UPK1A: variants seen among roughly 807,000 people sequenced by gnomAD.
UPK1A encodes the protein uroplakin 1A, also known as uroplakin-1a.
UPK1A carries 31 observed loss-of-function variants against 32.3 expected under a neutral mutation model. That is an observed-to-expected ratio of 0.96 (90% CI 0.72 to 1.30). UPK1A has a LOEUF of 1.30. Among genes scored for constraint, UPK1A ranks in the 50% most tolerant of loss-of-function variants. UPK1A has a pLI of 0.00. For synonymous variants in UPK1A, 135 were observed against 137.1 expected (o/e 0.98, Z 0.11); for missense variants, 340 against 357.4 (o/e 0.95, Z 0.39).
chr19:35,678,122 C>A (rs141437789), exon 8 of UPK1A: 28 of 1,368,514 alleles, frequency 2.0e-5, no homozygotes, highest in Middle Eastern at 3.8e-4. Flanking sequence ...CACCTCCCAA[C>A]GTCCCTAGCC....
chr19:35,674,813 G>A (rs1388950600), intron 5 of UPK1A, among the ~76,000 whole-genome samples: 2 of 151,976 alleles, frequency 1.3e-5, no homozygotes, highest in South Asian at 2.1e-4. Flanking sequence ...AGGCAAAGGC[G>A]GGCAGATCAC....
intron 3 of UPK1A, among the ~76,000 whole-genome samples, chr19:35,672,081 A>C (rs1200293249): frequency 6.6e-6 from 1 of 152,104 alleles, no homozygotes; most frequent in Non-Finnish European, 1.5e-5. Flanking sequence ...TGCTTTATAG[A>C]TGAAGGTGCC....
At chr19:35,678,157 C>A in exon 8 of UPK1A, 2 of 1,153,196 alleles carry the variant, frequency 1.7e-6, no homozygotes, top group Non-Finnish European at 2.4e-6. Context: ...CTTCCAAGAT[C>A]TTTTTCCAGG....
In UPK1A at chr19:35,673,217, CCT is replaced by C. The variant is rs1208307471; in HGVS notation, c.286-12_286-11del. On this transcript the variant is annotated splice_polypyrimidine_tract_variant and intron_variant, in intron 3 of 7. Transcript: ENST00000617999. ...GGGCTCTGCCCGACGGGCCGTCCTC[CCT>C]CTGTCTCCCCAGTACCTGGTGCTCA... 2 of 1,613,858 alleles carry C rather than the reference CCT, an allele frequency of 1.2e-6. No homozygotes were observed. The highest frequency in any genetic ancestry group is 1.7e-5 in the Admixed American group (1 of 60,008).
exon 8 of UPK1A, chr19:35,678,095 A>G: frequency 6.8e-7 from 1 of 1,478,902 alleles, no homozygotes; most frequent in Non-Finnish European, 9.0e-7. Flanking sequence ...CTGGGCCTGG[A>G]TGGCTGCCTC....
intron 2 of UPK1A, 66 bp from the exon 3 acceptor site, chr19:35,668,388 G>A (rs747448460): frequency 1.7e-5 from 27 of 1,597,962 alleles, no homozygotes; most frequent in South Asian, 4.4e-5. Flanking sequence ...GAACTTGCTC[G>A]TGGAGATGCC....
At chr19:35,675,901 C>T (rs768637606) in exon 6 of UPK1A, 21 of 1,613,798 alleles carry the variant, frequency 1.3e-5, no homozygotes, top group African/African-American at 2.7e-5. Context: ...GCCTTCCGGG[C>T]GGCCACTCCG....
chr19:35,672,569 T>A (rs1177374105), intron 3 of UPK1A, among the ~76,000 whole-genome samples: 1 of 151,724 alleles, frequency 6.6e-6, no homozygotes, highest in African/African-American at 2.4e-5. Flanking sequence ...CACCCACCCT[T>A]GTTTGTTTTG....
At chr19:35,676,490 C>T (rs1188923556) in intron 6 of UPK1A, among the ~76,000 whole-genome samples, 1 of 151,758 alleles carries the variant, frequency 6.6e-6, no homozygotes, top group Non-Finnish European at 1.5e-5. Flanking sequence ...ACGCTGGGTC[C>T]CCTCTCTGAT....
chr19:35,670,698 C>G (rs1488155133), intron 3 of UPK1A, among the ~76,000 whole-genome samples: 1 of 125,760 alleles, frequency 8.0e-6, no homozygotes, highest in Non-Finnish European at 1.7e-5. Flanking sequence ...CCCTCCCTCC[C>G]TCCCTTCCTT....
chr19:35,676,688 C>A (rs1201114353), intron 6 of UPK1A, among the ~76,000 whole-genome samples: 1 of 151,488 alleles, frequency 6.6e-6, no homozygotes, highest in African/African-American at 2.4e-5. Flanking sequence ...CACTTGAGGT[C>A]AAGAGTTCGA....
exon 2 of UPK1A, chr19:35,666,857 T>A: frequency 6.2e-7 from 1 of 1,613,858 alleles, no homozygotes; most frequent in Non-Finnish European, 8.5e-7. Flanking sequence ...GATCTCCAGT[T>A]GTGGTGGGCC....
At chr19:35,676,187 C>A in intron 6 of UPK1A, 168 bp downstream of exon 6, 2 of 849,576 alleles carry the variant, frequency 2.4e-6, no homozygotes, top group Non-Finnish European at 3.6e-6. Context: ...TTCTTTCTTT[C>A]TTTCTTTCTT....
intron 2 of UPK1A, 82 bp downstream of exon 2, chr19:35,666,978 G>A: frequency 7.2e-7 from 1 of 1,392,382 alleles, no homozygotes; most frequent in South Asian, 1.2e-5. Context: ...GGGGATGAGG[G>A]TCCAGAACTG....
intron 5 of UPK1A, 125 bp downstream of exon 5, chr19:35,673,670 G>C: frequency 1.2e-6 from 1 of 800,442 alleles, no homozygotes. Context: ...GAGATCTCTA[G>C]GAGAGCAGGG....
At chr19:35,676,174 T>TCTTC in intron 6 of UPK1A, 155 bp downstream of exon 6, 2 of 699,082 alleles carry the variant, frequency 2.9e-6, no homozygotes, top group Non-Finnish European at 4.3e-6. Flanking sequence ...GTTTTCTTTT[T>TCTTC]CTTTCTTTCT....
intron 3 of UPK1A, among the ~76,000 whole-genome samples, chr19:35,670,193 A>G (rs543175298): frequency 6.6e-6 from 1 of 152,328 alleles, no homozygotes; most frequent in South Asian, 2.1e-4. Context: ...GCGGGCCAGG[A>G]GTCCAAAGCA....
chr19:35,668,352 G>A (rs767288867), intron 2 of UPK1A, 102 bp from the exon 3 acceptor site: 1 of 1,379,598 alleles, frequency 7.2e-7, no homozygotes. Flanking sequence ...TTACTGAGAG[G>A]GCAGTGGAGG....
chr19:35,670,429 T>A (rs191375173), intron 3 of UPK1A, among the ~76,000 whole-genome samples: 1,794 of 117,100 alleles, frequency 0.015, 60 homozygotes, highest in African/African-American at 0.056. Flanking sequence ...TCCTTCGTTT[T>A]TCTACACAGG....
Sources: gnomAD v4.1 joint callset for allele counts (sites outside exome capture counted in the v4.1 genomes callset) on GRCh38, gnomAD v4.1.1 for gene constraint, MANE v1.5 for transcripts, NCBI Gene and HGNC (gene_info 2026-07-23, HGNC 2026-07-21) for gene names.